Variants in SGCZ observed in about 807,000 individuals in gnomAD.
The protein encoded by SGCZ is sarcoglycan zeta, also known as zeta-sarcoglycan.
SGCZ carries 40 observed loss-of-function variants against 41.3 expected under a neutral mutation model. The ratio of observed to expected loss-of-function variants is 0.97; its 90% CI spans 0.75 to 1.26. The LOEUF is 1.26. Ranked by LOEUF, SGCZ falls within the 50% of genes most tolerant of loss-of-function variation. The pLI is 0.00. For missense variants in SGCZ, 552 were observed against 369.8 expected, an observed-to-expected ratio of 1.49 and a Z score of -4.04; for synonymous variants, 206 against 137.5, an observed-to-expected ratio of 1.50 and a Z score of -3.49.
At chr8:14,410,224 C>T (rs1340486230) in intron 2 of SGCZ, among the ~76,000 whole-genome samples, 1 of 152,094 alleles carries the variant, frequency 6.6e-6, no homozygotes, top group Non-Finnish European at 1.5e-5. Context: ...TTTCCCTCCT[C>T]CCTTTCCTTC....
chr8:14,699,227 A>G (rs1455563347), intron 1 of SGCZ, among the ~76,000 whole-genome samples: 1 of 149,676 alleles, frequency 6.7e-6, no homozygotes. Flanking sequence ...TAATATATAA[A>G]TCTCATATAT....
intron 3 of SGCZ, among the ~76,000 whole-genome samples, chr8:14,278,541 G>A (rs976601520): frequency 6.6e-5 from 10 of 151,994 alleles, no homozygotes; most frequent in Admixed American, 3.9e-4. Flanking sequence ...AAGTTATAGC[G>A]AAACTCATTT....
chr8:14,124,626 G>A (rs1802797515), intron 5 of SGCZ, among the ~76,000 whole-genome samples: 2 of 152,094 alleles, frequency 1.3e-5, no homozygotes, highest in Admixed American at 6.6e-5. Context: ...ACATTGTTAG[G>A]CATATCTTAA....
intron 5 of SGCZ, among the ~76,000 whole-genome samples, chr8:14,158,550 TCAATC>T (rs1399122528): frequency 6.6e-6 from 1 of 152,038 alleles, no homozygotes; most frequent in Non-Finnish European, 1.5e-5. Context: ...CTTGCATCCT[TCAATC>T]CAATCAAGTT....
intron 1 of SGCZ, among the ~76,000 whole-genome samples, chr8:14,598,056 A>C (rs1367904660): frequency 6.6e-6 from 1 of 152,182 alleles, no homozygotes; most frequent in Non-Finnish European, 1.5e-5. Flanking sequence ...AAAAATTATG[A>C]GTATACTTAT....
chr8:14,558,116 G>T (rs1162117627), intron 1 of SGCZ, among the ~76,000 whole-genome samples: 1 of 152,090 alleles, frequency 6.6e-6, no homozygotes, highest in Non-Finnish European at 1.5e-5. Context: ...TTTAATTCAG[G>T]AAGCATTAGA....
chr8:14,799,701 T>A (rs77347019), intron 1 of SGCZ, among the ~76,000 whole-genome samples: 9 of 148,408 alleles, frequency 6.1e-5, no homozygotes, highest in East Asian at 2.0e-4. Flanking sequence ...TTTTTTTTTT[T>A]AAATTTAAAA....
intron 1 of SGCZ, among the ~76,000 whole-genome samples, chr8:14,688,340 T>A (rs28889653): frequency 2.0e-5 from 3 of 151,910 alleles, no homozygotes; most frequent in Non-Finnish European, 2.9e-5. Flanking sequence ...CTAAAGTTTA[T>A]GTCTTTAATC....
intron 3 of SGCZ, among the ~76,000 whole-genome samples, chr8:14,276,722 G>T (rs150468450): frequency 2.6e-5 from 4 of 152,224 alleles, no homozygotes; most frequent in East Asian, 3.9e-4. Flanking sequence ...CAAATTTGAT[G>T]ATTTAATTCT....
intron 4 of SGCZ, among the ~76,000 whole-genome samples, chr8:14,202,840 A>G (rs1244930590): frequency 6.6e-6 from 1 of 152,152 alleles, no homozygotes; most frequent in East Asian, 1.9e-4. Context: ...GATGATATGG[A>G]TATGGTTTGG....
Position 14,847,769 on chromosome 8 carries a change from C to T in SGCZ, c.40-292843G>A, listed in dbSNP as rs1449457785. 3.9e-4 allele frequency among the ~76,000 whole-genome samples: 49 copies of T among 127,260 alleles called. 1 individual carries two copies. The highest frequency in any genetic ancestry group is 4.4e-3 in the Middle Eastern group (1 of 228). 83.5% of individuals were successfully genotyped at this position (127,260 alleles called of 152,430 possible). A position where few individuals can be genotyped will look rare whatever the true frequency, so the allele number is the denominator to read the frequency against. ...AGGGAAGGAGGGAGGGGAGCCGCAG[C>T]TAACATCATAGTTAATGGTAAAAAA... On this transcript the variant is annotated intron_variant, in intron 1 of 7. Transcript: ENST00000382080.
intron 1 of SGCZ, among the ~76,000 whole-genome samples, chr8:14,602,366 C>G (rs1388294680): frequency 6.6e-6 from 1 of 151,806 alleles, no homozygotes; most frequent in East Asian, 2.0e-4. Context: ...TGGCTCGCAC[C>G]TGTAATTCCA....
intron 4 of SGCZ, among the ~76,000 whole-genome samples, chr8:14,225,879 T>C (rs1311598128): frequency 6.6e-6 from 1 of 152,118 alleles, no homozygotes. Context: ...TGAGAATCTT[T>C]GCGACCGACA....
At chr8:14,772,461 G>A (rs961156467) in intron 1 of SGCZ, among the ~76,000 whole-genome samples, 2 of 151,094 alleles carry the variant, frequency 1.3e-5, no homozygotes, top group African/African-American at 2.4e-5. Context: ...AAGTTTTAGG[G>A]TACATGTGCA....
intron 1 of SGCZ, among the ~76,000 whole-genome samples, chr8:14,904,149 T>C (rs1000672076): frequency 6.6e-6 from 1 of 152,098 alleles, no homozygotes; most frequent in Non-Finnish European, 1.5e-5. Flanking sequence ...TCTTAAAATA[T>C]AGTAATATAT....
chr8:15,230,658 C>T (rs1801912249), intron 1 of SGCZ, among the ~76,000 whole-genome samples: 1 of 152,160 alleles, frequency 6.6e-6, no homozygotes, highest in Admixed American at 6.5e-5. Flanking sequence ...TCGAGATCAA[C>T]TGGTTGTGAG....
chr8:14,708,345 TAAA>T (rs1809398071), intron 1 of SGCZ, among the ~76,000 whole-genome samples: 1 of 151,994 alleles, frequency 6.6e-6, no homozygotes, highest in Non-Finnish European at 1.5e-5. Context: ...CTATTATTTG[TAAA>T]AATATTTTAC....
chr8:14,924,657 A>G (rs1029799089), intron 1 of SGCZ, among the ~76,000 whole-genome samples: 2 of 152,166 alleles, frequency 1.3e-5, no homozygotes, highest in East Asian at 1.9e-4. Flanking sequence ...TTTATTTAGC[A>G]TTTACTTTCT....
chr8:14,458,440 A>G (rs1357080937), intron 2 of SGCZ, among the ~76,000 whole-genome samples: 2 of 152,194 alleles, frequency 1.3e-5, no homozygotes, highest in East Asian at 3.9e-4. Flanking sequence ...CCACATGTAT[A>G]TTAGGATTAA....
Sources: gnomAD v4.1 joint callset for allele counts (sites outside exome capture counted in the v4.1 genomes callset) on GRCh38, gnomAD v4.1.1 for gene constraint, MANE v1.5 for transcripts, NCBI Gene and HGNC (gene_info 2026-07-23, HGNC 2026-07-21) for gene names.